The following DPH6 variants were observed in gnomAD, a reference collection of about 807,000 sequenced individuals.
DPH6 encodes the protein diphthamine biosynthesis 6.
In DPH6, 33 loss-of-function variants were observed where a neutral mutation model predicts 38.2. The observed-to-expected ratio is 0.86, with a 90% CI of 0.65 to 1.15. The LOEUF (loss-of-function observed/expected upper bound fraction) is 1.15. Among genes scored for constraint, DPH6 ranks in the 50% most tolerant of loss-of-function variants. DPH6 has a pLI of 0.00. For missense variants in DPH6, 325 were observed against 320.0 expected (o/e 1.02, Z -0.12); for synonymous variants, 108 against 103.0 (o/e 1.05, Z -0.30).
the DPH6 span, among the ~76,000 whole-genome samples, chr15:35,172,920 G>C: frequency 6.6e-6 from 1 of 152,112 alleles, no homozygotes; most frequent in African/African-American, 2.4e-5. Flanking sequence ...CTTCCGAGTA[G>C]CTGGGACTAT....
At chr15:35,262,005 A>G (rs538356110) in intron 3 of DPH6, among the ~76,000 whole-genome samples, 1 of 152,316 alleles carries the variant, frequency 6.6e-6, no homozygotes, top group South Asian at 2.1e-4. Flanking sequence ...GTGGAGACAT[A>G]CAAAAAAGGG....
intron 3 of DPH6, among the ~76,000 whole-genome samples, chr15:35,267,101 T>A (rs1027488920): frequency 6.6e-6 from 1 of 151,808 alleles, no homozygotes; most frequent in Admixed American, 6.6e-5. Flanking sequence ...AAATATATAA[T>A]CCAAGAAGTG....
chr15:35,372,567 G>A (rs537543063), intron 8 of DPH6, among the ~76,000 whole-genome samples: 1 of 151,926 alleles, frequency 6.6e-6, no homozygotes, highest in Non-Finnish European at 1.5e-5. Context: ...TTCTTGTGGG[G>A]GTTACCAGCT....
downstream of DPH6, among the ~76,000 whole-genome samples, chr15:35,367,575 G>T (rs2052671793): frequency 6.6e-6 from 1 of 151,740 alleles, no homozygotes; most frequent in African/African-American, 2.4e-5. Context: ...GGGCCCCAAA[G>T]AAATTTTAAT....
intron 1 of DPH6, among the ~76,000 whole-genome samples, chr15:35,543,285 T>C (rs2055293185): frequency 8.0e-6 from 1 of 125,528 alleles, no homozygotes; most frequent in Admixed American, 7.6e-5. Context: ...TATATATATA[T>C]ATATATATAT....
chr15:35,252,520 T>C (rs2051681597), intron 3 of DPH6, among the ~76,000 whole-genome samples: 1 of 152,218 alleles, frequency 6.6e-6, no homozygotes, highest in Non-Finnish European at 1.5e-5. Context: ...CTACAGAGGA[T>C]TTTGGTGGCC....
chr15:35,223,680 C>G (rs1316972193), intron 3 of DPH6, among the ~76,000 whole-genome samples: 1 of 150,826 alleles, frequency 6.6e-6, no homozygotes, highest in East Asian at 1.9e-4. Flanking sequence ...AGCAAAACTC[C>G]GTCTCAAAAA....
intron 3 of DPH6, among the ~76,000 whole-genome samples, chr15:35,289,050 G>T (rs1464912426): frequency 6.6e-6 from 1 of 152,124 alleles, no homozygotes; most frequent in Non-Finnish European, 1.5e-5. Context: ...TTGGATACCT[G>T]TATTCATTTC....
chr15:35,450,947 T>A (rs1431447000), intron 4 of DPH6, 144 bp from the exon 5 acceptor site: 1 of 614,036 alleles, frequency 1.6e-6, no homozygotes, highest in East Asian at 2.9e-5. Context: ...TTTTGCATAA[T>A]GTTTATATAT....
intron 3 of DPH6, among the ~76,000 whole-genome samples, chr15:35,313,828 A>C (rs1280515485): frequency 6.6e-6 from 1 of 152,204 alleles, no homozygotes; most frequent in African/African-American, 2.4e-5. Context: ...TAAGACCTGA[A>C]ACTATGAAAC....
At chr15:35,268,177 AAAT>A (rs2051796062) in intron 3 of DPH6, among the ~76,000 whole-genome samples, 11 of 4,886 alleles carry the variant, frequency 2.3e-3, no homozygotes, top group Non-Finnish European at 5.0e-3. Flanking sequence ...CTCAAAAAAT[AAAT>A]AAATAAATAA....
chr15:35,217,794 G>A (rs553651791), exon 4 of DPH6: 1 of 152,128 alleles, frequency 6.6e-6, no homozygotes, highest in African/African-American at 2.4e-5. Context: ...AGTTTATATT[G>A]CAAAGGGATA....
intron 3 of DPH6, among the ~76,000 whole-genome samples, chr15:35,479,735 C>T (rs1727357547): frequency 6.6e-6 from 1 of 152,018 alleles, no homozygotes. Context: ...CCCTACAGGT[C>T]TCATGTTAAT....
At chr15:35,453,243 G>C (rs1441385803) in intron 4 of DPH6, among the ~76,000 whole-genome samples, 1 of 152,082 alleles carries the variant, frequency 6.6e-6, no homozygotes, top group Non-Finnish European at 1.5e-5. Context: ...ATTGTGTTTT[G>C]AGAAAGTCTC....
the DPH6 span, among the ~76,000 whole-genome samples, chr15:35,178,100 A>G: frequency 6.6e-6 from 1 of 152,208 alleles, no homozygotes; most frequent in Non-Finnish European, 1.5e-5. Context: ...GGCATAAACA[A>G]GTTTTAAAAT....
At chr15:35,414,804 T>C (rs2053415730) in intron 5 of DPH6, among the ~76,000 whole-genome samples, 1 of 151,906 alleles carries the variant, frequency 6.6e-6, no homozygotes. Flanking sequence ...GAAGTTTTTT[T>C]TCATGACTAT....
chr15:35,314,286 G>A lies in DPH6; in HGVS notation n.200+59235C>T, dbSNP rs542511306. 1.1e-4 allele frequency among the ~76,000 whole-genome samples: 17 copies of A among 152,000 alleles called. No individual in the cohort carries two copies. The South Asian group carries it at 1.7e-3, about 15-fold the overall frequency. ...AATTTGCCATTTGATATTGGAATAC[G>A]TTTTTAAATACATGTGGTTATGTCA... is the stretch of plus-strand genomic sequence containing the variant. On this transcript the variant is annotated intron_variant and non_coding_transcript_variant, in intron 3 of 3. Transcript: ENST00000560386.
chr15:35,537,259 T>A (rs2055183575), intron 3 of DPH6, among the ~76,000 whole-genome samples: 1 of 152,068 alleles, frequency 6.6e-6, no homozygotes, highest in Admixed American at 6.6e-5. Flanking sequence ...AAACTGAACT[T>A]CTCTGAAGAG....
chr15:35,463,195 G>C (rs79519885), intron 3 of DPH6, among the ~76,000 whole-genome samples: 16,142 of 152,078 alleles, frequency 0.11, 954 homozygotes, highest in Middle Eastern at 0.2. Context: ...AAGTTGATGA[G>C]TGTATGGGGA....
Sources: allele counts gnomAD v4.1 joint callset (sites outside exome capture counted in the v4.1 genomes callset), GRCh38; gene constraint gnomAD v4.1.1; transcripts MANE v1.5; gene names NCBI Gene and HGNC (gene_info 2026-07-23, HGNC 2026-07-21).